The following SLC2A7 variants were observed in gnomAD, a reference collection of about 807,000 sequenced individuals.
SLC2A7 encodes solute carrier family 2, facilitated glucose transporter member 7.
SLC2A7 carries 50 observed loss-of-function variants against 50.5 expected under a neutral mutation model. That is an observed-to-expected ratio of 0.99 (90% confidence interval 0.79 to 1.25). The LOEUF is 1.25. SLC2A7 is among the 50% of genes most tolerant of loss of function. SLC2A7 has a pLI of 0.00. For synonymous variants in SLC2A7, 308 were observed against 300.4 expected, an observed-to-expected ratio of 1.03 and a Z score of -0.26; for missense variants, 683 against 679.1, an observed-to-expected ratio of 1.01 and a Z score of -0.06.
At chr1:9,007,210 A>T in intron 10 of SLC2A7, 100 bp downstream of exon 10, 1 of 1,331,694 alleles carries the variant, frequency 7.5e-7, no homozygotes, top group Non-Finnish European at 1.1e-6. Context: ...GGGACCAAGG[A>T]CGTCCATTCA....
At chr1:9,025,654 CT>C (rs1640987794) in intron 1 of SLC2A7, among the ~76,000 whole-genome samples, 1 of 152,210 alleles carries the variant, frequency 6.6e-6, no homozygotes. Flanking sequence ...GGACTCATTG[CT>C]TGCCTCTGCC....
At chr1:9,001,863 T>C (rs12410411), downstream of SLC2A7, among the ~76,000 whole-genome samples, 16,970 of 152,108 alleles carry the variant, frequency 0.11, 961 homozygotes, top group African/African-American at 0.13. Context: ...TGTGTCTATG[T>C]AGAAAGAAGT....
chr1:8,993,170 G>A, the SLC2A7 span, among the ~76,000 whole-genome samples: 1 of 152,236 alleles, frequency 6.6e-6, no homozygotes, highest in Non-Finnish European at 1.5e-5. Flanking sequence ...GGCAAAGAGA[G>A]AGAGCTTGTG....
intron 1 of SLC2A7, among the ~76,000 whole-genome samples, chr1:9,025,905 C>T (rs964026619): frequency 6.6e-6 from 1 of 152,202 alleles, no homozygotes; most frequent in Non-Finnish European, 1.5e-5. Flanking sequence ...AACCCTCACA[C>T]TTAGCTGCCT....
In SLC2A7 at chr1:9,026,328, C is replaced by T. The variant is rs773149311; in HGVS notation, c.18G>A (p.Ala6=). The part of the protein sequence containing the change: MENKE[A]GTPPPIPSRE... ...TGGATGGAATGGGTGGAGGGGTTCCCGCCTCTTTGTTCTCCATCCTTGTTC... is the reference window on the plus strand; with the variant it reads ...TGGATGGAATGGGTGGAGGGGTTCCTGCCTCTTTGTTCTCCATCCTTGTTC... The change falls in exon 1 of 12, where the codon GCG becomes GCA. Residue 6 remains alanine, a synonymous_variant. Coordinates refer to ENST00000400906, the MANE Select transcript of SLC2A7 (RefSeq NM_207420.3). 1.5e-5 allele frequency: 24 copies of T among 1,608,988 alleles called. No individual in the cohort carries two copies. The highest frequency in any genetic ancestry group is 8.9e-5 in the East Asian group (4 of 44,836).
chr1:9,025,053 G>A lies in SLC2A7; in HGVS notation c.73C>T (p.Leu25=), dbSNP rs1640975866. The A allele has an allele frequency of 1.2e-6, 2 of 1,613,538 alleles. No homozygotes were observed. Among genetic ancestry groups the A allele is most frequent in the Admixed American group, 1.7e-5 (1 of 60,016 alleles). The part of the protein sequence containing the change: ...REGRLQPTLL[L]ATLSAAFGSA... The stretch of plus-strand genomic sequence containing the variant: ...CCAAAGGCCGCGCTCAGTGTCGCCA[G>A]CAACAGCGTCGGCTGGAGCCGCTGT... Residue 25 remains leucine, a synonymous_variant, in exon 2 of 12, where the codon CTG becomes TTG. Coordinates refer to ENST00000400906, the MANE Select transcript of SLC2A7 (RefSeq NM_207420.3).
intron 8 of SLC2A7, among the ~76,000 whole-genome samples, chr1:9,010,465 T>G (rs1640731014): frequency 6.6e-6 from 1 of 152,162 alleles, no homozygotes; most frequent in African/African-American, 2.4e-5. Flanking sequence ...TTCAAGTGAT[T>G]CTCCTACCTC....
intron 2 of SLC2A7, 97 bp from the exon 3 acceptor site, chr1:9,023,175 T>A: frequency 7.4e-7 from 1 of 1,344,392 alleles, no homozygotes; most frequent in Non-Finnish European, 1.0e-6. Context: ...TACAGAGAGG[T>A]TTTTCTGCTA....
At position 9,026,312 on chromosome 1, in the gene SLC2A7, T is replaced by C; in HGVS notation, c.34A>G (p.Ile12Val). ...ENKEAGTPPP[I>V]PSREGRLQPT... is the part of the protein sequence containing the mutation. ...GCACTTACCCCCTCCCTGGATGGAA[T>C]GGGTGGAGGGGTTCCCGCCTCTTTG... is the stretch of plus-strand genomic sequence containing the variant. The change falls in exon 1 of 12, where the codon ATT becomes GTT. Residue 12 changes from isoleucine to valine, a missense_variant. Physicochemically the swap from Ile to Val is conservative, Grantham distance 29. Coordinates refer to ENST00000400906, the MANE Select transcript of SLC2A7 (RefSeq NM_207420.3). 6.2e-7 allele frequency: 1 copy of C among 1,609,398 alleles called. No individual in the cohort carries two copies. The highest frequency in any genetic ancestry group is 8.5e-7 in the Non-Finnish European group (1 of 1,177,702).
rs1278559760 is a variant in SLC2A7 at position 9,008,907 on chromosome 1, C to T, written c.1116+1236G>A. ...CACTGCGTCTGGCTGAGAACTTATA[C>T]TGGTTTTAAAATTAAAGAAGAAAGT... is the stretch of plus-strand genomic sequence containing the variant. On this transcript the variant is annotated intron_variant, in intron 9 of 11. Transcript: ENST00000400906. The surrounding 1 kb of genome is among the most constrained non-coding windows in gnomAD (Gnocchi z 5.9). Among the ~76,000 whole-genome samples the T allele has an allele frequency of 6.6e-6, 1 of 152,204 alleles. No homozygotes were observed. The highest frequency in any genetic ancestry group is 1.5e-5 in the Non-Finnish European group (1 of 68,038).
intron 9 of SLC2A7, 64 bp from the exon 10 acceptor site, chr1:9,007,449 T>C: frequency 4.7e-6 from 7 of 1,494,110 alleles, no homozygotes; most frequent in Non-Finnish European, 6.5e-6. Flanking sequence ...GGGGTCCACC[T>C]GCGGGTCCCA....
rs1162143987 is a variant in SLC2A7 at position 9,023,838 on chromosome 1, CTTTTTTTTTTTTTTTTTTTTTT to C, written c.151-782_151-761del. On this transcript the variant is annotated intron_variant, in intron 2 of 11. Transcript: ENST00000400906. Reference sequence around the variant, plus strand: ...AGGCACCATAGGAAATATTCTTCTTCTTTTTTTTTTTTTTTTTTTTTTTTTTTTTTTTTTTGAGATGAAGTCT... The same window carrying C: ...AGGCACCATAGGAAATATTCTTCTTCTTTTTTTTTTTTTGAGATGAAGTCT... Among the ~76,000 whole-genome samples the C allele has an allele frequency of 4.9e-3, 85 of 17,180 alleles. 2 individuals carry two copies. Among genetic ancestry groups the C allele is most frequent in the Middle Eastern group, 0.05 (1 of 20 alleles). The allele number at this position is 17,180 out of a possible 152,430, so 11.3% of individuals were successfully genotyped here.
intron 8 of SLC2A7, 123 bp from the exon 9 acceptor site, chr1:9,010,367 CTTT>C: frequency 1.3e-6 from 1 of 752,536 alleles, no homozygotes; most frequent in Non-Finnish European, 2.1e-6. Context: ...GTCTTTCTTT[CTTT>C]TTTTTTAAAC....
chr1:9,022,675 C>T (rs1430917316), intron 3 of SLC2A7, among the ~76,000 whole-genome samples: 2 of 62,082 alleles, frequency 3.2e-5, no homozygotes, highest in East Asian at 2.2e-3. Context: ...ATCTCAAAGG[C>T]TGCACCACCT....
intron 8 of SLC2A7, among the ~76,000 whole-genome samples, chr1:9,012,342 G>C (rs1640761529): frequency 6.6e-6 from 1 of 152,160 alleles, no homozygotes; most frequent in Non-Finnish European, 1.5e-5. Flanking sequence ...GCAGGTCCTA[G>C]TTATGGTCAT....
At chr1:9,004,050 TC>T (rs1640615432) in intron 11 of SLC2A7, among the ~76,000 whole-genome samples, 1 of 150,580 alleles carries the variant, frequency 6.6e-6, no homozygotes, top group African/African-American at 2.4e-5. Context: ...GAAATTGGAT[TC>T]CCCCTCACCC....
downstream of SLC2A7, among the ~76,000 whole-genome samples, chr1:9,000,185 G>T (rs6666882): frequency 6.6e-6 from 1 of 151,978 alleles, no homozygotes; most frequent in Admixed American, 6.6e-5. Context: ...GGCCAGGTGC[G>T]GGGGCTGACT....
chr1:9,004,348 G>A (rs76513364), intron 11 of SLC2A7, among the ~76,000 whole-genome samples: 5,322 of 100,936 alleles, frequency 0.053, 406 homozygotes, highest in African/African-American at 0.18. Context: ...AAAAAAAAAA[G>A]ACTGCTTAAC....
At chr1:9,023,134 A>AT (rs1400430584) in intron 2 of SLC2A7, 56 bp from the exon 3 acceptor site, 20 of 1,571,230 alleles carry the variant, frequency 1.3e-5, no homozygotes, top group Admixed American at 1.8e-5. Flanking sequence ...ATGAGAAATG[A>AT]GAAAGTGTTC....
Sources: allele counts gnomAD v4.1 joint callset (sites outside exome capture counted in the v4.1 genomes callset), GRCh38; gene constraint gnomAD v4.1.1; non-coding constraint Gnocchi (gnomAD v3.1); transcripts MANE v1.5; gene names NCBI Gene and HGNC (gene_info 2026-07-23, HGNC 2026-07-21).